Variants in MAP3K20 observed in about 807,000 individuals in gnomAD.
The protein encoded by MAP3K20 is HCCS-4.
MAP3K20 carries 40 observed loss-of-function variants against 85.7 expected under a neutral mutation model. The observed-to-expected ratio is 0.47, with a 90% CI of 0.36 to 0.61. MAP3K20 has a LOEUF of 0.61. Among genes scored for constraint, MAP3K20 ranks in the 20% least tolerant of loss-of-function variants. The pLI is 0.00. For synonymous variants in MAP3K20, 325 were observed against 327.7 expected (o/e 0.99, Z 0.09); for missense variants, 817 against 961.7 (o/e 0.85, Z 1.99).
At chr2:173,222,861 C>T in intron 11 of MAP3K20, 2 of 985,266 alleles carry the variant, frequency 2.0e-6, no homozygotes, top group Non-Finnish European at 2.4e-6. Context: ...ACCTGTTTGT[C>T]AAAGCTTGTT....
Position 173,203,890 on chromosome 2 carries a change from T to G in MAP3K20, c.744+20T>G, listed in dbSNP as rs756218658. On this transcript the variant is annotated intron_variant, in intron 9 of 19. Transcript: ENST00000375213. ...GCCAAGGTATACATATGTATTTTTG[T>G]TATTGTTTAGAATTCTGAAATTTCT... 4.1e-5 allele frequency: 66 copies of G among 1,607,180 alleles called. No homozygotes were observed. The highest frequency in any genetic ancestry group is 5.4e-5 in the Non-Finnish European group (64 of 1,174,538).
intron 2 of MAP3K20, among the ~76,000 whole-genome samples, chr2:173,156,274 T>C (rs750937432): frequency 1.3e-5 from 2 of 152,212 alleles, no homozygotes; most frequent in Non-Finnish European, 2.9e-5. Context: ...TAAAGCACTG[T>C]TATTTTGGAT....
rs77943884 is a variant in MAP3K20 at position 173,086,309 on chromosome 2, C to T, written c.-34-4689C>T. Among the ~76,000 whole-genome samples the T allele has an allele frequency of 4.9e-3, 751 of 152,182 alleles. 4 individuals carry two copies. Among genetic ancestry groups the T allele is most frequent in the Non-Finnish European group, 8.0e-3 (545 of 68,004 alleles). On this transcript the variant is annotated intron_variant, in intron 1 of 19. Transcript: ENST00000375213. ...TAGCACTCAGATTTTTCATTCTTCT[C>T]GTCATAAATTGATCCCCTTAGAAAA... is the stretch of plus-strand genomic sequence containing the variant.
intron 14 of MAP3K20, among the ~76,000 whole-genome samples, chr2:173,235,121 G>A (rs1046383374): frequency 2.6e-5 from 4 of 152,226 alleles, no homozygotes; most frequent in African/African-American, 4.8e-5. Flanking sequence ...CAAGACAGTC[G>A]TAGGTAAAGA....
At chr2:173,090,057 A>G (rs1687249100) in intron 1 of MAP3K20, among the ~76,000 whole-genome samples, 1 of 152,244 alleles carries the variant, frequency 6.6e-6, no homozygotes, top group Non-Finnish European at 1.5e-5. Flanking sequence ...AGTATAAACC[A>G]CATAAAATAG....
chr2:173,102,864 A>G (rs1485812365), intron 2 of MAP3K20, among the ~76,000 whole-genome samples: 2 of 152,262 alleles, frequency 1.3e-5, no homozygotes, highest in East Asian at 3.9e-4. Context: ...ACCTGAGGTC[A>G]GGAGTTCGAG....
chr2:173,234,450 C>T (rs981984218), intron 14 of MAP3K20, among the ~76,000 whole-genome samples: 1 of 152,158 alleles, frequency 6.6e-6, no homozygotes, highest in African/African-American at 2.4e-5. Flanking sequence ...AAAGATTAAA[C>T]GTGCACACAG....
At chr2:173,120,817 C>T (rs1688264343) in intron 2 of MAP3K20, among the ~76,000 whole-genome samples, 1 of 151,362 alleles carries the variant, frequency 6.6e-6, no homozygotes, top group Non-Finnish European at 1.5e-5. Context: ...AAGCAATTCC[C>T]CTGCCTCAGC....
chr2:173,110,920 ACTT>A (rs1260182227), intron 2 of MAP3K20, among the ~76,000 whole-genome samples: 1 of 152,124 alleles, frequency 6.6e-6, no homozygotes, highest in East Asian at 1.9e-4. Flanking sequence ...TCAAATAATG[ACTT>A]CTTTTCCTTT....
At chr2:173,249,913 C>T (rs1685004653) in intron 16 of MAP3K20, among the ~76,000 whole-genome samples, 1 of 152,134 alleles carries the variant, frequency 6.6e-6, no homozygotes. Context: ...ATTTTAACAT[C>T]ATCCTTAAAG....
intron 19 of MAP3K20, among the ~76,000 whole-genome samples, chr2:173,264,534 C>T (rs1007851270): frequency 1.3e-5 from 2 of 152,196 alleles, no homozygotes; most frequent in Non-Finnish European, 2.9e-5. Context: ...GACTACCCGT[C>T]AGCAATTCTG....
chr2:173,174,997 A>C (rs1412982648), intron 3 of MAP3K20, among the ~76,000 whole-genome samples: 1 of 152,174 alleles, frequency 6.6e-6, no homozygotes, highest in East Asian at 1.9e-4. Flanking sequence ...GATCTTTAGA[A>C]GACTTGTTTT....
At chr2:173,081,905 A>T in intron 1 of MAP3K20, among the ~76,000 whole-genome samples, 1 of 151,994 alleles carries the variant, frequency 6.6e-6, no homozygotes, top group East Asian at 1.9e-4. Context: ...CTGATGCAAG[A>T]GTCTCCCACT....
intron 2 of MAP3K20, among the ~76,000 whole-genome samples, chr2:173,102,780 C>A (rs1229943014): frequency 6.6e-6 from 1 of 152,150 alleles, no homozygotes; most frequent in Non-Finnish European, 1.5e-5. Flanking sequence ...TTCCATTAGT[C>A]GGAAACTGAA....
intron 2 of MAP3K20, among the ~76,000 whole-genome samples, chr2:173,116,932 A>G (rs1380261593): frequency 6.6e-6 from 1 of 152,192 alleles, no homozygotes; most frequent in African/African-American, 2.4e-5. Flanking sequence ...CCAGATTCCT[A>G]GCTCCTTTGA....
In MAP3K20 at chr2:173,234,703, G is replaced by A. The variant is rs75065161; in HGVS notation, c.1203+2244G>A. On this transcript the variant is annotated intron_variant, in intron 14 of 19. Coordinates refer to ENST00000375213, the MANE Select transcript of MAP3K20 (RefSeq NM_016653.3). ...ACAGAAAAGAGGAGTCCCGACCTAC[G>A]TAGCATAAGCAGCTCCGTCTGCAGA... Among the ~76,000 whole-genome samples, 421 of 152,306 alleles carry A rather than the reference G, an allele frequency of 2.8e-3. 1 individual carries two copies. The highest frequency in any genetic ancestry group is 8.3e-3 in the African/African-American group (344 of 41,564).
At chr2:173,132,006 G>T (rs1049118776) in intron 2 of MAP3K20, among the ~76,000 whole-genome samples, 50 of 152,204 alleles carry the variant, frequency 3.3e-4, no homozygotes, top group African/African-American at 1.2e-3. Context: ...TCCCTGGAAT[G>T]GAAAGTCAGG....
rs752852198 is a variant in MAP3K20 at position 173,266,252 on chromosome 2, C to T, written c.1905C>T (p.Ser635=). Residue 635 remains serine (S), a synonymous_variant, in exon 20 of 20, where the codon AGC becomes AGT. Transcript: ENST00000375213. ...TTACACCTGTGAACCAGTCCAGAAG[C>T]TCGTCTCCTACTCAGTATGGACTGA... The part of the protein sequence containing the change: ...QQITPVNQSR[S]SSPTQYGLTK... The T allele has an allele frequency of 6.2e-7, 1 of 1,614,152 alleles. No individual in the cohort carries two copies. Among genetic ancestry groups the T allele is most frequent in the South Asian group, 1.1e-5 (1 of 91,084 alleles).
intron 10 of MAP3K20, chr2:173,210,611 G>C (rs1394325186): frequency 1.3e-5 from 2 of 152,162 alleles, no homozygotes; most frequent in Non-Finnish European, 2.9e-5. Context: ...AAATTGTATT[G>C]CATGAGTGGA....
Sources: allele counts gnomAD v4.1 joint callset (sites outside exome capture counted in the v4.1 genomes callset), GRCh38; gene constraint gnomAD v4.1.1; transcripts MANE v1.5; gene names NCBI Gene and HGNC (gene_info 2026-07-23, HGNC 2026-07-21).